Variants in DCDC2C observed in about 807,000 individuals in gnomAD.
DCDC2C encodes the protein doublecortin domain-containing protein 2C.
DCDC2C carries 44 observed loss-of-function variants against 45.0 expected under a neutral mutation model. That is an observed-to-expected ratio of 0.98 (90% CI 0.77 to 1.26). The LOEUF (loss-of-function observed/expected upper bound fraction) is 1.26, where lower values mean the gene tolerates loss of function less well. DCDC2C is among the 50% of genes most tolerant of loss of function. The pLI is 0.00. For missense variants in DCDC2C, 447 were observed against 468.9 expected, an observed-to-expected ratio of 0.95 and a Z score of 0.43; for synonymous variants, 187 against 178.8, an observed-to-expected ratio of 1.05 and a Z score of -0.37.
chr2:3,832,224 C>T (rs556011550), intron 10 of DCDC2C, among the ~76,000 whole-genome samples: 3 of 152,210 alleles, frequency 2.0e-5, no homozygotes, highest in African/African-American at 7.2e-5. Flanking sequence ...AATTTCCCAG[C>T]AAATTTCATA....
At chr2:3,735,234 ATTTTT>A (rs1668991423) in intron 3 of DCDC2C, among the ~76,000 whole-genome samples, 2 of 151,008 alleles carry the variant, frequency 1.3e-5, no homozygotes, top group Admixed American at 6.6e-5. Context: ...TCTTTTTTTT[ATTTTT>A]ATTTCTTAAT....
intron 4 of DCDC2C, among the ~76,000 whole-genome samples, chr2:3,751,873 T>C (rs1156860943): frequency 6.6e-6 from 1 of 152,174 alleles, no homozygotes; most frequent in Non-Finnish European, 1.5e-5. Flanking sequence ...GAAATCTTCA[T>C]TCTGATGAAA....
rs528238733 is a variant in DCDC2C, at chr2:3,787,184, C to T, written c.1065+2084C>T. Among the ~76,000 whole-genome samples the T allele has an allele frequency of 2.3e-3, 350 of 152,296 alleles. 1 individual carries two copies. Among genetic ancestry groups the T allele is most frequent in the Non-Finnish European group, 3.8e-3 (257 of 68,018 alleles). ...TATCTGGTTTGAATGTCAAGTAATT[C>T]TTTGGAGCATTTATCACTTGTTTGG... On this transcript the variant is annotated intron_variant, in intron 10 of 10. Transcript: ENST00000399143.
chr2:3,828,335 T>C (rs565039678), intron 10 of DCDC2C, among the ~76,000 whole-genome samples: 1 of 152,306 alleles, frequency 6.6e-6, no homozygotes, highest in Non-Finnish European at 1.5e-5. Flanking sequence ...AGGAAAGTGG[T>C]GTGCTGGGTG....
intron 3 of DCDC2C, among the ~76,000 whole-genome samples, chr2:3,728,771 AG>A (rs962008175): frequency 2.0e-5 from 3 of 152,226 alleles, no homozygotes; most frequent in Non-Finnish European, 4.4e-5. Context: ...CAGGAGAGAA[AG>A]GCGGGGTGTG....
chr2:3,738,969 C>CA (rs1477174275), intron 3 of DCDC2C, among the ~76,000 whole-genome samples: 3 of 152,276 alleles, frequency 2.0e-5, no homozygotes, highest in South Asian at 2.1e-4. Context: ...ACACGGACCC[C>CA]AAACCTGGCA....
intron 10 of DCDC2C, among the ~76,000 whole-genome samples, chr2:3,828,856 T>C (rs1671887830): frequency 6.6e-6 from 1 of 152,230 alleles, no homozygotes; most frequent in African/African-American, 2.4e-5. Flanking sequence ...AATAAGGCAA[T>C]GTTAAGTCCT....
intron 6 of DCDC2C, among the ~76,000 whole-genome samples, chr2:3,756,074 A>ATG (rs1491472048): frequency 1.2e-4 from 18 of 151,594 alleles, no homozygotes; most frequent in Admixed American, 1.1e-3. Flanking sequence ...GTATGGATGC[A>ATG]TATGTGTGTG....
intron 6 of DCDC2C, among the ~76,000 whole-genome samples, chr2:3,757,565 C>T (rs923881075): frequency 2.0e-5 from 3 of 152,266 alleles, no homozygotes; most frequent in South Asian, 2.1e-4. Flanking sequence ...GATATCAGGC[C>T]GGAATGGGGC....
rs145509500 is a variant in DCDC2C, at chr2:3,817,831, G to A, written c.1066-29323G>A. Among the ~76,000 whole-genome samples the A allele has an allele frequency of 2.3e-3, 352 of 152,274 alleles. 1 individual carries two copies. Among genetic ancestry groups the A allele is most frequent in the African/African-American group, 7.9e-3 (328 of 41,572 alleles). On this transcript the variant is annotated intron_variant, in intron 10 of 10. Coordinates refer to ENST00000399143, the MANE Select transcript of DCDC2C (RefSeq NM_001287444.2). ...AGTGGCTAAAGGATTTAGGATCTAT[G>A]GGGTCAGCTAGGTTTCCTTTTGTGA...
intron 4 of DCDC2C, among the ~76,000 whole-genome samples, chr2:3,746,966 G>A (rs935370775): frequency 2.0e-5 from 3 of 152,124 alleles, no homozygotes; most frequent in Admixed American, 6.5e-5. Context: ...TGGGAGCGAG[G>A]AGGTGTGAGA....
intron 4 of DCDC2C, among the ~76,000 whole-genome samples, chr2:3,745,797 C>A (rs1669344127): frequency 6.6e-6 from 1 of 151,954 alleles, no homozygotes; most frequent in Non-Finnish European, 1.5e-5. Flanking sequence ...TGAGCCTTGA[C>A]CTCCTGGGCT....
At chr2:3,797,431 T>G (rs1670992096) in intron 10 of DCDC2C, among the ~76,000 whole-genome samples, 1 of 151,560 alleles carries the variant, frequency 6.6e-6, no homozygotes, top group African/African-American at 2.4e-5. Flanking sequence ...GTGTTTGCTC[T>G]TGCTTTTCTA....
chr2:3,723,915 A>C (rs913995685), intron 2 of DCDC2C, among the ~76,000 whole-genome samples: 1 of 152,110 alleles, frequency 6.6e-6, no homozygotes, highest in Admixed American at 6.5e-5. Flanking sequence ...GAGCCATAAC[A>C]AGATAGAGGT....
Position 3,813,068 on chromosome 2 carries a change from T to TATATATA in DCDC2C, c.1065+27968_1065+27969insATATATA, listed in dbSNP as rs1491343444. 8.4e-3 allele frequency among the ~76,000 whole-genome samples: 434 copies of TATATATA among 51,830 alleles called. 12 individuals are homozygous for TATATATA. The highest frequency in any genetic ancestry group is 0.017 in the East Asian group (28 of 1,646). 34.0% of individuals were successfully genotyped at this position (51,830 alleles called of 152,430 possible). Reference sequence around the variant, plus strand: ...ATATATATATATATATATATATATATTTTTTTTTTTTTGCTGTTTTTGAGA... The same window carrying TATATATA: ...ATATATATATATATATATATATATATATATATATTTTTTTTTTTTGCTGTTTTTGAGA... On this transcript the variant is annotated intron_variant, in intron 10 of 10. Transcript: ENST00000399143.
chr2:3,794,619 G>A (rs1670909727), intron 10 of DCDC2C, among the ~76,000 whole-genome samples: 1 of 151,856 alleles, frequency 6.6e-6, no homozygotes, highest in Admixed American at 6.6e-5. Context: ...TGTGGTGTTT[G>A]GTTTTTTGTT....
chr2:3,715,538 A>G lies in DCDC2C; in HGVS notation c.339+6938A>G, dbSNP rs150910911. ...ATCTAAGAAATAGGGGTTAAATGTA[A>G]TTATGCATGTATTCTGCTCATCACA... On this transcript the variant is annotated intron_variant, in intron 2 of 10. Coordinates refer to ENST00000399143, the MANE Select transcript of DCDC2C (RefSeq NM_001287444.2). Among the ~76,000 whole-genome samples the G allele has an allele frequency of 4.9e-4, 74 of 151,170 alleles. No individual in the cohort carries two copies. In the East Asian group the frequency reaches 0.013, roughly 26 times the overall value.
intron 6 of DCDC2C, among the ~76,000 whole-genome samples, chr2:3,766,128 C>T (rs868058163): frequency 2.6e-5 from 4 of 151,938 alleles, no homozygotes; most frequent in South Asian, 2.1e-4. Context: ...TTGCAGTGCC[C>T]GGGGTGGTGG....
At chr2:3,791,643 C>G (rs1670813451) in intron 10 of DCDC2C, among the ~76,000 whole-genome samples, 1 of 152,310 alleles carries the variant, frequency 6.6e-6, no homozygotes, top group African/African-American at 2.4e-5. Flanking sequence ...TTCCCTCTCC[C>G]CAGTGGACTT....
Sources: gnomAD v4.1 joint callset for allele counts (sites outside exome capture counted in the v4.1 genomes callset) on GRCh38, gnomAD v4.1.1 for gene constraint, MANE v1.5 for transcripts, NCBI Gene and HGNC (gene_info 2026-07-23, HGNC 2026-07-21) for gene names.